Variants in CABLES1 observed in about 807,000 individuals in gnomAD.
CABLES1 encodes the protein CDK5 and ABL1 enzyme substrate 1.
CABLES1 carries 36 observed loss-of-function variants against 57.8 expected under a neutral mutation model. The observed-to-expected ratio is 0.62, with a 90% CI of 0.48 to 0.82. The LOEUF (loss-of-function observed/expected upper bound fraction) is 0.82, where lower values mean the gene tolerates loss of function less well. Ranked by LOEUF, CABLES1 falls within the 40% of genes least tolerant of loss-of-function variation. The pLI, the probability that CABLES1 is intolerant of heterozygous loss-of-function variation, is 0.00. For synonymous variants in CABLES1, 374 were observed against 363.0 expected, an observed-to-expected ratio of 1.03 and a Z score of -0.35; for missense variants, 767 against 836.6, an observed-to-expected ratio of 0.92 and a Z score of 1.03.
At position 23,203,720 on chromosome 18, in the gene CABLES1, C is replaced by T. The variant is rs148704562; in HGVS notation, c.1010+9180C>T. On this transcript the variant is annotated intron_variant, in intron 3 of 9. Coordinates refer to ENST00000256925, the MANE Select transcript of CABLES1 (RefSeq NM_001100619.3). ...GCATGTTTCAAAAAATAAAACGGCT[C>T]GTTACCAGCCCCGGACTGGCCTTTT... Among the ~76,000 whole-genome samples the T allele has an allele frequency of 1.4e-4, 21 of 152,214 alleles. No homozygotes were observed. In the East Asian group the frequency reaches 4.1e-3, roughly 29 times the overall value.
Position 23,135,670 on chromosome 18 carries a change from A to G in CABLES1, c.-93A>G. The G allele has an allele frequency of 1.0e-6, 1 of 973,162 alleles. No individual in the cohort carries two copies. Among genetic ancestry groups the G allele is most frequent in the South Asian group, 4.7e-5 (1 of 21,058 alleles). The allele number at this position is 973,162 out of a possible 1,614,324, so 60.3% of individuals were successfully genotyped here. A position where few individuals can be genotyped will look rare whatever the true frequency, so the allele number is the denominator to read the frequency against. The stretch of plus-strand genomic sequence containing the variant: ...GCCGCCCGATCCCCGCGCCCTACCC[A>G]GCCCGGGTCGCCGCCGCTCGCGCCC... On this transcript the variant is annotated 5_prime_UTR_variant, in exon 1 of 10. Coordinates refer to ENST00000256925, the MANE Select transcript of CABLES1 (RefSeq NM_001100619.3).
At chr18:23,168,032 C>T (rs545888206) in intron 1 of CABLES1, among the ~76,000 whole-genome samples, 1 of 152,346 alleles carries the variant, frequency 6.6e-6, no homozygotes, top group African/African-American at 2.4e-5. Flanking sequence ...CCGGGACTGA[C>T]CCTACTCCTT....
intron 7 of CABLES1, among the ~76,000 whole-genome samples, chr18:23,245,522 C>T (rs1004795465): frequency 1.3e-4 from 19 of 147,534 alleles, no homozygotes; most frequent in African/African-American, 2.5e-4. Flanking sequence ...AAAAAAAAAG[C>T]GAAATAGGTA....
chr18:23,193,870 TAAAAAC>T (rs931059383), intron 2 of CABLES1, among the ~76,000 whole-genome samples: 147 of 152,324 alleles, frequency 9.7e-4, no homozygotes, highest in African/African-American at 3.2e-3. Flanking sequence ...AAATTTATCT[TAAAAAC>T]AAAACAAAAC....
intron 7 of CABLES1, among the ~76,000 whole-genome samples, chr18:23,240,177 G>C (rs183744708): frequency 0.012 from 1,891 of 152,276 alleles, 12 homozygotes; most frequent in African/African-American, 0.024. Flanking sequence ...TGGGCCCCAG[G>C]GGGTAGGCCT....
chr18:23,253,657 TGGG>T, intron 8 of CABLES1, 69 bp from the exon 9 acceptor site: 2 of 1,248,418 alleles, frequency 1.6e-6, no homozygotes, highest in Non-Finnish European at 2.3e-6. Flanking sequence ...GCATTCAAGA[TGGG>T]GGAGTTTTTC....
intron 1 of CABLES1, chr18:23,155,987 G>A: frequency 6.2e-7 from 1 of 1,613,476 alleles, no homozygotes; most frequent in South Asian, 1.1e-5. Context: ...GTGACCCAGA[G>A]AGCTGAGTCT....
At chr18:23,241,516 G>C (rs960702485) in intron 7 of CABLES1, among the ~76,000 whole-genome samples, 1 of 152,094 alleles carries the variant, frequency 6.6e-6, no homozygotes. Flanking sequence ...GGCGACAAGC[G>C]AAACTACGTC....
chr18:23,245,025 G>C (rs1486446552), intron 7 of CABLES1, among the ~76,000 whole-genome samples: 1 of 152,192 alleles, frequency 6.6e-6, no homozygotes, highest in Non-Finnish European at 1.5e-5. Flanking sequence ...TCTGCTCTGA[G>C]ACCCTCACTG....
At chr18:23,211,959 C>T (rs2047408294) in intron 3 of CABLES1, among the ~76,000 whole-genome samples, 1 of 152,258 alleles carries the variant, frequency 6.6e-6, no homozygotes, top group African/African-American at 2.4e-5. Flanking sequence ...CAGGCCTTGA[C>T]AGTCCACTCT....
At chr18:23,222,297 A>C (rs1226777576) in intron 4 of CABLES1, among the ~76,000 whole-genome samples, 5 of 147,642 alleles carry the variant, frequency 3.4e-5, no homozygotes, top group East Asian at 4.0e-4. Flanking sequence ...CTGTTCCCCC[A>C]CCCCCAGCTC....
chr18:23,183,062 G>T (rs2047178507), intron 1 of CABLES1, among the ~76,000 whole-genome samples: 1 of 152,228 alleles, frequency 6.6e-6, no homozygotes, highest in South Asian at 2.1e-4. Flanking sequence ...AGTGAGGAGG[G>T]CCTTCGGGAT....
intron 1 of CABLES1, among the ~76,000 whole-genome samples, chr18:23,163,159 G>A (rs1454298577): frequency 6.6e-6 from 1 of 152,118 alleles, no homozygotes; most frequent in Non-Finnish European, 1.5e-5. Context: ...TGGTACCATG[G>A]AGATGGGGCA....
At chr18:23,229,797 G>A (rs1234549059) in intron 4 of CABLES1, among the ~76,000 whole-genome samples, 5 of 152,210 alleles carry the variant, frequency 3.3e-5, no homozygotes, top group African/African-American at 1.2e-4. Context: ...CCAAAAGAGA[G>A]GGACAGCAAA....
At chr18:23,181,357 G>A (rs910513649) in intron 1 of CABLES1, among the ~76,000 whole-genome samples, 3 of 151,942 alleles carry the variant, frequency 2.0e-5, no homozygotes, top group Admixed American at 6.6e-5. Flanking sequence ...TTAGCCGGAT[G>A]TGGTGGTATG....
At chr18:23,244,013 A>G (rs1290473406) in intron 7 of CABLES1, among the ~76,000 whole-genome samples, 1 of 152,130 alleles carries the variant, frequency 6.6e-6, no homozygotes, top group Non-Finnish European at 1.5e-5. Flanking sequence ...ATATTGCAAC[A>G]TCTGCTCTCT....
In CABLES1 at chr18:23,174,226, C is replaced by A. The variant is rs577097677; in HGVS notation, c.846-14612C>A. Among the ~76,000 whole-genome samples the A allele has an allele frequency of 2.1e-4, 32 of 152,320 alleles. No individual in the cohort carries two copies. The South Asian group carries it at 4.6e-3, about 22-fold the overall frequency. ...TCATACACGACGTGGTCTCTGGTAACTGGCTCCTTTGGCTTAACATAATGT... is the reference window on the plus strand; with the variant it reads ...TCATACACGACGTGGTCTCTGGTAAATGGCTCCTTTGGCTTAACATAATGT... On this transcript the variant is annotated intron_variant, in intron 1 of 9. Coordinates refer to ENST00000256925, the MANE Select transcript of CABLES1 (RefSeq NM_001100619.3).
At chr18:23,220,351 G>A (rs753920073) in intron 4 of CABLES1, among the ~76,000 whole-genome samples, 5 of 152,116 alleles carry the variant, frequency 3.3e-5, no homozygotes, top group East Asian at 3.9e-4. Context: ...GCGCTCACTC[G>A]TTTCATCTGC....
intron 1 of CABLES1, among the ~76,000 whole-genome samples, chr18:23,151,920 C>T (rs556043700): frequency 2.0e-5 from 3 of 152,146 alleles, no homozygotes; most frequent in African/African-American, 7.2e-5. Flanking sequence ...ACAGTGGTAG[C>T]GAAGCGGGTG....
Sources: allele counts gnomAD v4.1 joint callset (sites outside exome capture counted in the v4.1 genomes callset), GRCh38; gene constraint gnomAD v4.1.1; transcripts MANE v1.5; gene names NCBI Gene and HGNC (gene_info 2026-07-23, HGNC 2026-07-21).